Variants in CASK observed in about 807,000 individuals in gnomAD.
The protein encoded by CASK is peripheral plasma membrane protein CASK.
Under a neutral mutation model 82.9 loss-of-function variants are expected in CASK, and 4 were observed. The ratio of observed to expected loss-of-function variants is 0.05; its 90% CI spans 0.02 to 0.11. The LOEUF (loss-of-function observed/expected upper bound fraction) is 0.11, where lower values mean the gene tolerates loss of function less well. Among genes scored for constraint, CASK ranks in the 10% least tolerant of loss-of-function variants. The probability of loss-of-function intolerance (pLI) is 1.00; values close to 1 mark genes in which losing one functional copy is unlikely to be tolerated. For synonymous variants in CASK, 259 were observed against 253.5 expected (o/e 1.02, Z -0.20); for missense variants, 358 against 720.9 (o/e 0.50, Z 5.76).
intron 1 of CASK, among the ~76,000 whole-genome samples, chrX:41,899,127 T>C (rs1456373023): frequency 8.9e-6 from 1 of 111,905 alleles, no homozygotes; most frequent in Non-Finnish European, 1.9e-5. Context: ...TTATAATTGT[T>C]GTATCGTCTG....
intron 3 of CASK, among the ~76,000 whole-genome samples, chrX:41,763,936 G>C (rs764663376): frequency 5.4e-5 from 6 of 112,018 alleles, no homozygotes; most frequent in South Asian, 3.7e-4. Flanking sequence ...GACAGAGCTA[G>C]GACAACAGTA....
chrX:41,629,136 C>T (rs1286723060), intron 9 of CASK, among the ~76,000 whole-genome samples: 1 of 110,971 alleles, frequency 9.0e-6, no homozygotes, highest in Non-Finnish European at 1.9e-5. Flanking sequence ...GTTTTGTTTA[C>T]GTAGTTTGTT....
intron 1 of CASK, among the ~76,000 whole-genome samples, chrX:41,856,501 A>T (rs958566015): frequency 1.8e-5 from 2 of 111,506 alleles, no homozygotes; most frequent in Admixed American, 1.9e-4. Flanking sequence ...AGTTAAAGTA[A>T]CAAGGTTTGA....
At chrX:41,695,720 T>C in intron 5 of CASK, 3 of 1,206,430 alleles carry the variant, frequency 2.5e-6, no homozygotes, top group Non-Finnish European at 3.4e-6. Flanking sequence ...TAACCAATCA[T>C]AGCGACCAAC....
At chrX:41,785,433 A>G (rs1170628926) in intron 3 of CASK, among the ~76,000 whole-genome samples, 1 of 112,164 alleles carries the variant, frequency 8.9e-6, no homozygotes, top group Non-Finnish European at 1.9e-5. Context: ...GCTTACTATG[A>G]ATGGTCCAGG....
At chrX:41,655,243 A>G (rs2066919014) in intron 8 of CASK, among the ~76,000 whole-genome samples, 1 of 111,193 alleles carries the variant, frequency 9.0e-6, no homozygotes, top group Non-Finnish European at 1.9e-5. Flanking sequence ...TTGAGCTCAC[A>G]CAGTGTGGAG....
chrX:41,645,253 G>A (rs1211252579), intron 8 of CASK, among the ~76,000 whole-genome samples: 1 of 111,286 alleles, frequency 9.0e-6, no homozygotes, highest in African/African-American at 3.3e-5. Flanking sequence ...AATTACATTT[G>A]GCATTGTTTA....
chrX:41,752,129 C>G (rs1332475807), intron 3 of CASK, among the ~76,000 whole-genome samples: 1 of 109,306 alleles, frequency 9.1e-6, no homozygotes, highest in Non-Finnish European at 1.9e-5. Context: ...AGTCTAAAAA[C>G]TTCTGCAAGA....
In CASK at chrX:41,859,215, G is replaced by C. The variant is rs1445833464; in HGVS notation, c.60-5988C>G. Among the ~76,000 whole-genome samples the C allele has an allele frequency of 7.2e-5, 8 of 111,345 alleles. No individual in the cohort carries two copies. In the South Asian group the frequency reaches 3.0e-3, roughly 42 times the overall value. ...ACCACAAGATACGTAGGAAAACCGTGAATGATTTAAAAAAGAAAAGACAAA... is the reference window on the plus strand; with the variant it reads ...ACCACAAGATACGTAGGAAAACCGTCAATGATTTAAAAAAGAAAAGACAAA... On this transcript the variant is annotated intron_variant, in intron 1 of 26. Coordinates refer to ENST00000378163, the MANE Select transcript of CASK (RefSeq NM_001367721.1).
chrX:41,531,012 G>A lies in CASK; in HGVS notation c.2515C>T (p.Pro839Ser), dbSNP rs778081066. 3.3e-6 allele frequency: 4 copies of A among 1,208,664 alleles called. No individual in the cohort carries two copies. The Middle Eastern group carries it at 7.0e-4, about 211-fold the overall frequency. The change falls in exon 25 of 27, where the codon CCT becomes TCT. Residue 839 changes from proline to serine, a missense_variant. Coordinates refer to ENST00000378163, the MANE Select transcript of CASK (RefSeq NM_001367721.1). Reference protein sequence around the residue: ...QGLIAILDVEPQALKVLRTAE... With the variant: ...QGLIAILDVESQALKVLRTAE... ...TCGGGGAGGCTGGGCATTACCTGAG[G>A]CTCCACGTCCAGTATTGCAATCAGC...
intron 12 of CASK, among the ~76,000 whole-genome samples, chrX:41,607,268 A>G (rs1279698126): frequency 1.8e-5 from 2 of 112,053 alleles, no homozygotes; most frequent in Non-Finnish European, 3.8e-5. Flanking sequence ...CTCCCCTGCA[A>G]TCTCAAGCTT....
chrX:41,524,254 T>G (rs2147068640), intron 25 of CASK: 1 of 406,688 alleles, frequency 2.5e-6, no homozygotes, highest in East Asian at 4.1e-5. Flanking sequence ...GTTGGCAAAC[T>G]GGACATTTTT....
intron 22 of CASK, among the ~76,000 whole-genome samples, chrX:41,539,731 A>T (rs1410981087): frequency 8.9e-6 from 1 of 112,389 alleles, no homozygotes; most frequent in Non-Finnish European, 1.9e-5. Flanking sequence ...TGACCCTATG[A>T]TCTCTTGTAA....
At chrX:41,895,635 G>A (rs541424803) in intron 1 of CASK, among the ~76,000 whole-genome samples, 272 of 111,840 alleles carry the variant, frequency 2.4e-3, no homozygotes, top group African/African-American at 8.2e-3. Context: ...GATGAAGAGC[G>A]TGGGGAGATG....
At chrX:41,537,134 CATAAGA>C (rs2064884789) in intron 22 of CASK, among the ~76,000 whole-genome samples, 1 of 110,904 alleles carries the variant, frequency 9.0e-6, no homozygotes, top group African/African-American at 3.3e-5. Flanking sequence ...TTAAAAAACA[CATAAGA>C]ATGAGTTAGA....
At position 41,614,875 on chromosome X, in the gene CASK, G is replaced by A. The variant is rs890963010; in HGVS notation, c.1034-4850C>T. Among the ~76,000 whole-genome samples the A allele has an allele frequency of 3.6e-5, 4 of 110,739 alleles. No individual in the cohort carries two copies. In the Admixed American group the frequency reaches 3.8e-4, roughly 11 times the overall value. On this transcript the variant is annotated intron_variant, in intron 11 of 26. Transcript: ENST00000378163. ...GCTCTGTTGCCCAGGTTGGAGTGCAGTGGCACAATCTCGGCTCACTGCAAC... is the reference window on the plus strand; with the variant it reads ...GCTCTGTTGCCCAGGTTGGAGTGCAATGGCACAATCTCGGCTCACTGCAAC...
intron 1 of CASK, among the ~76,000 whole-genome samples, chrX:41,914,424 A>C (rs920613396): frequency 1.8e-5 from 2 of 112,632 alleles, no homozygotes; most frequent in African/African-American, 6.5e-5. Context: ...GATACCAAAA[A>C]ACTGGCTTAT....
chrX:41,610,729 A>T (rs1173304373), intron 11 of CASK, among the ~76,000 whole-genome samples: 2 of 111,865 alleles, frequency 1.8e-5, no homozygotes, highest in East Asian at 5.5e-4. Flanking sequence ...AGCAAATGGA[A>T]GTGCCATCAC....
intron 5 of CASK, among the ~76,000 whole-genome samples, chrX:41,701,926 T>A (rs975919456): frequency 2.2e-4 from 25 of 112,489 alleles, no homozygotes; most frequent in African/African-American, 7.7e-4. Flanking sequence ...ACTTCCATTC[T>A]ACTGACATTG....
Sources: gnomAD v4.1 joint callset for allele counts (sites outside exome capture counted in the v4.1 genomes callset) on GRCh38, gnomAD v4.1.1 for gene constraint, MANE v1.5 for transcripts, NCBI Gene and HGNC (gene_info 2026-07-23, HGNC 2026-07-21) for gene names.